HYOU1: variants seen among roughly 807,000 people sequenced by gnomAD.
HYOU1 encodes hypoxia up-regulated 1.
In HYOU1, 40 loss-of-function variants were observed where a neutral mutation model predicts 120.5. That is an observed-to-expected ratio of 0.33 (90% CI 0.26 to 0.43). The LOEUF (loss-of-function observed/expected upper bound fraction) is 0.43, where lower values mean the gene tolerates loss of function less well. HYOU1 is among the 20% of genes least tolerant of loss of function. HYOU1 has a pLI of 1.00. For missense variants in HYOU1, 1,085 were observed against 1,278.3 expected (o/e 0.85, Z 2.31); for synonymous variants, 501 against 479.4 (o/e 1.05, Z -0.59).
At position 119,051,211 on chromosome 11, in the gene HYOU1, C is replaced by T. The variant is rs1456709901; in HGVS notation, c.1527-38G>A. 3.7e-6 allele frequency: 6 copies of T among 1,612,572 alleles called. No individual in the cohort carries two copies. The South Asian group carries it at 4.4e-5, about 12-fold the overall frequency. On this transcript the variant is annotated intron_variant, in intron 13 of 25. Transcript: ENST00000617285. This position sits in a 1 kb window ranked among gnomAD's most constrained non-coding sequence, Gnocchi z 4.2. ...GAAAGAGGAGTTCAGGGGGACCCAC[C>T]CCAGCCCATCTCGCCCTCTAGACTA...
At position 119,051,274 on chromosome 11, in the gene HYOU1, A is replaced by G. The variant is rs2133583951; in HGVS notation, c.1527-101T>C. On this transcript the variant is annotated intron_variant, in intron 13 of 25. Coordinates refer to ENST00000617285, the MANE Select transcript of HYOU1 (RefSeq NM_006389.5). The surrounding 1 kb of genome is among the most constrained non-coding windows in gnomAD (Gnocchi z 4.2). ...GCACAAGGTGTCAGGGGCACTCCCC[A>G]AGGGCACACTCAAGAGGACGGATGC... is the stretch of plus-strand genomic sequence containing the variant. The G allele has an allele frequency of 5.8e-6, 9 of 1,541,366 alleles. No homozygotes were observed. The South Asian group carries it at 1.1e-4, about 18-fold the overall frequency.
chr11:119,047,682 A>T, intron 22 of HYOU1, 52 bp downstream of exon 22: 1 of 1,457,042 alleles, frequency 6.9e-7, no homozygotes, highest in Middle Eastern at 1.9e-4. Flanking sequence ...CCTCTCCCAC[A>T]GTACCTAGGA....
chr11:119,049,900 G>T, intron 14 of HYOU1, 63 bp from the exon 15 acceptor site: 1 of 1,439,108 alleles, frequency 6.9e-7, no homozygotes, highest in East Asian at 2.3e-5. Context: ...ACAAACATCT[G>T]CCAAAGTGGG....
rs2133582204 is a variant in HYOU1, at chr11:119,051,052, C to T, written c.1648G>A (p.Val550Met). 3.1e-6 allele frequency: 5 copies of T among 1,614,216 alleles called. No homozygotes were observed. In the South Asian group the frequency reaches 3.3e-5, roughly 11 times the overall value. The change falls in exon 14 of 26, where the codon GTG (valine) becomes ATG (methionine). Residue 550 changes from valine (V) to methionine (M), a missense_variant. This residue lies in a region of HYOU1 where 515 missense variants were observed against 677.8 expected (regional missense o/e 0.76). Coordinates refer to ENST00000617285, the MANE Select transcript of HYOU1 (RefSeq NM_006389.5). The surrounding 1 kb of genome is among the most constrained non-coding windows in gnomAD (Gnocchi z 4.2). ...GCTCTCACCCTGTCTAGACTGAGCA[C>T]GCCACTCTCATCCAGGTTGAAGTGA... ...KAHFNLDESG[V>M]LSLDRVESVF... is the part of the protein sequence containing the mutation.
rs1592129090 is a variant in HYOU1, at chr11:119,045,562, T to G, written c.*31A>C. On this transcript the variant is annotated 3_prime_UTR_variant, in exon 26 of 26. Transcript: ENST00000617285. ...AAATAGAAGTGGTGGGGGAAGGGGG[T>G]GGAGATGAATGGGGAAAACAGAGGT... 66 of 1,557,268 alleles carry G rather than the reference T, an allele frequency of 4.2e-5. No homozygotes were observed. The highest frequency in any genetic ancestry group is 1.7e-4 in the Middle Eastern group (1 of 5,974).
At position 119,054,097 on chromosome 11, in the gene HYOU1, C is replaced by T. The variant is rs2133602637; in HGVS notation, c.794+24G>A. The stretch of plus-strand genomic sequence containing the variant: ...TGACTTGAGGGTCTTCACAAGCAGC[C>T]CTCCCTGCCAAGTATCCACTTACCC... On this transcript the variant is annotated intron_variant, in intron 8 of 25. Coordinates refer to ENST00000617285, the MANE Select transcript of HYOU1 (RefSeq NM_006389.5). 4 of 1,476,482 alleles carry T rather than the reference C, an allele frequency of 2.7e-6. No homozygotes were observed. The South Asian group carries it at 3.4e-5, about 13-fold the overall frequency. 91.5% of individuals were successfully genotyped at this position (1,476,482 alleles called of 1,614,324 possible).
At position 119,055,035 on chromosome 11, in the gene HYOU1, C is replaced by A; in HGVS notation, c.445G>T (p.Val149Leu). 1 of 1,614,178 alleles carries A rather than the reference C, an allele frequency of 6.2e-7. No homozygotes were observed. The highest frequency in any genetic ancestry group is 8.5e-7 in the Non-Finnish European group (1 of 1,180,038). Residue 149 changes from valine (V) to leucine (L), a missense_variant, in exon 6 of 26, where the codon GTG becomes TTG. Around this residue, in one of 4 missense-constraint regions of HYOU1, gnomAD observed 515 missense variants for 677.8 expected, o/e 0.76. Coordinates refer to ENST00000617285, the MANE Select transcript of HYOU1 (RefSeq NM_006389.5). The surrounding 1 kb of genome is among the most constrained non-coding windows in gnomAD (Gnocchi z 4.0). ...GAATAATTGAGAACCATGCCCAACA[C>A]TTCCTCAGGTGAGAACTGCAGCTGC... ...SSQLQFSPEE[V>L]LGMVLNYSRS...
chr11:119,050,895 G>A, intron 14 of HYOU1, 140 bp downstream of exon 14: 1 of 894,848 alleles, frequency 1.1e-6, no homozygotes, highest in Non-Finnish European at 1.7e-6. Context: ...TCATCAGTTA[G>A]CTCTGTTCAG....
Position 119,046,740 on chromosome 11 carries a change from C to T in HYOU1, c.2658G>A (p.Leu886=), listed in dbSNP as rs2133552973. The T allele has an allele frequency of 6.2e-7, 1 of 1,608,226 alleles. No individual in the cohort carries two copies. Among genetic ancestry groups the T allele is most frequent in the East Asian group, 2.2e-5 (1 of 44,888 alleles). ...AKLPATEKPV[L]LSKDIEAKMM... is the part of the protein sequence containing the mutation. ...TCTTAGCTTCAATGTCTTTTGAGAG[C>T]AACACAGGCTTCTCTGTGGCGGGCA... Residue 886 remains leucine (L), a synonymous_variant, in exon 23 of 26, where the codon TTG becomes TTA. Coordinates refer to ENST00000617285, the MANE Select transcript of HYOU1 (RefSeq NM_006389.5).
intron 14 of HYOU1, among the ~76,000 whole-genome samples, chr11:119,050,127 C>A (rs2133577430): frequency 2.0e-5 from 3 of 152,168 alleles, no homozygotes; most frequent in African/African-American, 7.2e-5. Context: ...AAAACGGATT[C>A]CTGGCCGAGT....
chr11:119,045,863 A>C (rs2133545627), intron 24 of HYOU1, 32 bp from the exon 25 acceptor site: 1 of 1,609,186 alleles, frequency 6.2e-7, no homozygotes, highest in Non-Finnish European at 8.5e-7. Context: ...TAGTCTCCTC[A>C]GAAGGGAGGA....
chr11:119,046,637 T>C lies in HYOU1; in HGVS notation c.2761A>G (p.Lys921Glu). 1 of 1,614,206 alleles carries C rather than the reference T, an allele frequency of 6.2e-7. No homozygotes were observed. The highest frequency in any genetic ancestry group is 8.5e-7 in the Non-Finnish European group (1 of 1,180,028). Residue 921 changes from lysine to glutamate, a missense_variant, in exon 23 of 26, where the codon AAG becomes GAG. Physicochemically the swap from Lys to Glu is moderately conservative, Grantham distance 56. Around this residue, in one of 4 missense-constraint regions of HYOU1, gnomAD observed 516 missense variants for 517.1 expected, o/e 1.00. Transcript: ENST00000617285. ...FTKPRPRPKD[K>E]NGTRAEPPLN... ...GGTGGCTCTGCCCGGGTCCCATTCT[T>C]GTCCTTAGGCCGGGGCCGGGGCTTG...
At chr11:119,054,886 G>T in intron 6 of HYOU1, 98 bp downstream of exon 6, 1 of 1,294,960 alleles carries the variant, frequency 7.7e-7, no homozygotes, top group Non-Finnish European at 1.1e-6. Flanking sequence ...TTCAGATGTT[G>T]CTAAATGTTC....
At position 119,053,000 on chromosome 11, in the gene HYOU1, C is replaced by T. The variant is rs1452943347; in HGVS notation, c.795-171G>A. On this transcript the variant is annotated intron_variant, in intron 8 of 25. Transcript: ENST00000617285. The surrounding 1 kb of genome is among the most constrained non-coding windows in gnomAD (Gnocchi z 5.0). ...CTGCCCTCAACTCTCTACAGCACAG[C>T]TGACACCTCGCAGTGACCCTTCTTC... is the stretch of plus-strand genomic sequence containing the variant. 3.3e-6 allele frequency: 2 copies of T among 600,744 alleles called. No individual in the cohort carries two copies. Among genetic ancestry groups the T allele is most frequent in the African/African-American group, 3.7e-5 (2 of 53,676 alleles). The allele number at this position is 600,744 out of a possible 1,614,324, so 37.2% of individuals were successfully genotyped here. A position where few individuals can be genotyped will look rare whatever the true frequency, so the allele number is the denominator to read the frequency against.
Position 119,045,465 on chromosome 11 carries a change from A to G in HYOU1, c.*128T>C, listed in dbSNP as rs782227677. 2.1e-5 allele frequency: 18 copies of G among 847,986 alleles called. No individual in the cohort carries two copies. Among genetic ancestry groups the G allele is most frequent in the Admixed American group, 3.5e-5 (2 of 57,562 alleles). 52.5% of individuals were successfully genotyped at this position (847,986 alleles called of 1,614,324 possible). On this transcript the variant is annotated 3_prime_UTR_variant, in exon 26 of 26. Transcript: ENST00000617285. The stretch of plus-strand genomic sequence containing the variant: ...CTCCCTTCCCCTTCTCCACACCTCC[A>G]AATCACAGGGGTGAGAAAGGAACTC...
At position 119,056,116 on chromosome 11, in the gene HYOU1, A is replaced by G. The variant is rs782782756; in HGVS notation, c.45T>C (p.Cys15=). 15 of 1,614,012 alleles carry G rather than the reference A, an allele frequency of 9.3e-6. No homozygotes were observed. The highest frequency in any genetic ancestry group is 1.3e-5 in the African/African-American group (1 of 74,940). Reference sequence around the variant, plus strand: ...CCAAGAGCACAGCCACCAAGGCCCAACAGACTCGCCTCCTCGGCCTCTGCC... The same window carrying G: ...CCAAGAGCACAGCCACCAAGGCCCAGCAGACTCGCCTCCTCGGCCTCTGCC... ...VRRQRPRRRV[C]WALVAVLLAD... Residue 15 remains cysteine (C), a synonymous_variant, in exon 2 of 26, where the codon TGT becomes TGC. Coordinates refer to ENST00000617285, the MANE Select transcript of HYOU1 (RefSeq NM_006389.5).
In HYOU1 at chr11:119,048,037, C is replaced by A. The variant is rs2133560510; in HGVS notation, c.2420G>T (p.Gly807Val). ...GCGCTCCTCTACCCGAAAAAACAGC[C>A]CTTGGCACAGCTTCCTCAGCTCAGC... is the stretch of plus-strand genomic sequence containing the variant. The part of the protein sequence containing the change: ...KLAELRKLCQ[G>V]LFFRVEERKK... Residue 807 changes from glycine to valine, a missense_variant, in exon 21 of 26, where the codon GGG (glycine) becomes GTG (valine). Gly to Val is a moderately radical substitution (Grantham distance 109). Around this residue, in one of 4 missense-constraint regions of HYOU1, gnomAD observed 516 missense variants for 517.1 expected, o/e 1.00. Coordinates refer to ENST00000617285, the MANE Select transcript of HYOU1 (RefSeq NM_006389.5). The surrounding 1 kb of genome is among the most constrained non-coding windows in gnomAD (Gnocchi z 4.7). 5 of 1,614,236 alleles carry A rather than the reference C, an allele frequency of 3.1e-6. No homozygotes were observed. The highest frequency in any genetic ancestry group is 1.7e-5 in the Admixed American group (1 of 60,030).
chr11:119,055,973 A>G lies in HYOU1; in HGVS notation c.91+97T>C. On this transcript the variant is annotated intron_variant, in intron 2 of 25. Transcript: ENST00000617285. This position sits in a 1 kb window ranked among gnomAD's most constrained non-coding sequence, Gnocchi z 4.0. ...AAGACAAAAAGGCCTGGACCTAACA[A>G]CTCAAGAGACTTCTGGCCAACAGCC... The G allele has an allele frequency of 7.3e-7, 1 of 1,371,838 alleles. No individual in the cohort carries two copies. Among genetic ancestry groups the G allele is most frequent in the Non-Finnish European group, 1.0e-6 (1 of 960,400 alleles). The allele number at this position is 1,371,838 out of a possible 1,614,324, so 85.0% of individuals were successfully genotyped here.
intron 24 of HYOU1, 150 bp from the exon 25 acceptor site, chr11:119,045,981 C>CA (rs1944044287): frequency 4.9e-6 from 4 of 815,824 alleles, no homozygotes; most frequent in Non-Finnish European, 5.9e-6. Flanking sequence ...TTTTTTGAGA[C>CA]AGAGTCTCTG....
Sources: gnomAD v4.1 joint callset for allele counts (sites outside exome capture counted in the v4.1 genomes callset) on GRCh38, gnomAD v4.1.1 for gene constraint, gnomAD v4.1.1 regional missense constraint, Gnocchi (gnomAD v3.1) non-coding constraint, MANE v1.5 for transcripts, NCBI Gene and HGNC (gene_info 2026-07-23, HGNC 2026-07-21) for gene names.